Variants in MRTFB observed in about 807,000 individuals in gnomAD.
MRTFB encodes myocardin related transcription factor B, also known as myocardin-related transcription factor B.
Under a neutral mutation model 104.2 loss-of-function variants are expected in MRTFB, and 29 were observed. The ratio of observed to expected loss-of-function variants is 0.28; its 90% CI spans 0.21 to 0.38. The LOEUF (loss-of-function observed/expected upper bound fraction) is 0.38. MRTFB is among the 10% of genes least tolerant of loss of function. The pLI, the probability that MRTFB is intolerant of heterozygous loss-of-function variation, is 1.00. For synonymous variants in MRTFB, 535 were observed against 519.5 expected, an observed-to-expected ratio of 1.03 and a Z score of -0.41; for missense variants, 1,270 against 1,341.6, an observed-to-expected ratio of 0.95 and a Z score of 0.83.
the MRTFB span, among the ~76,000 whole-genome samples, chr16:13,995,135 G>A: frequency 6.8e-4 from 104 of 152,250 alleles, no homozygotes; most frequent in African/African-American, 2.4e-3. Context: ...TTCGTTGGTT[G>A]ATCTTCGGAT....
intron 2 of MRTFB, among the ~76,000 whole-genome samples, chr16:14,112,478 A>C (rs1025822952): frequency 6.6e-6 from 1 of 152,250 alleles, no homozygotes; most frequent in Non-Finnish European, 1.5e-5. Flanking sequence ...CTCCAAGCCT[A>C]GTAAAGCAGG....
At chr16:14,255,109 A>C (rs1265000956) in intron 15 of MRTFB, among the ~76,000 whole-genome samples, 1 of 152,252 alleles carries the variant, frequency 6.6e-6, no homozygotes, top group Admixed American at 6.5e-5. Flanking sequence ...TAACTTATCC[A>C]ATCTGAATAA....
chr16:14,112,563 G>C (rs2036327888), intron 2 of MRTFB, among the ~76,000 whole-genome samples: 1 of 152,244 alleles, frequency 6.6e-6, no homozygotes, highest in Non-Finnish European at 1.5e-5. Flanking sequence ...GTGAGAGCCA[G>C]GTTTCCCTGC....
chr16:14,219,049 T>C, intron 8 of MRTFB, 51 bp downstream of exon 8: 2 of 1,503,426 alleles, frequency 1.3e-6, no homozygotes, highest in South Asian at 1.3e-5. Context: ...CCTTGTTTTT[T>C]TTTAATATAT....
chr16:14,000,384 G>A, the MRTFB span, among the ~76,000 whole-genome samples: 5 of 152,118 alleles, frequency 3.3e-5, no homozygotes, highest in East Asian at 3.9e-4. Flanking sequence ...CCTCCATCCC[G>A]TAGCCCCTCT....
At chr16:14,159,847 G>C (rs866542089) in intron 3 of MRTFB, among the ~76,000 whole-genome samples, 58 of 145,796 alleles carry the variant, frequency 4.0e-4, no homozygotes, top group Admixed American at 1.1e-3. Context: ...GGAGAATGGC[G>C]TGAACCCGGG....
intron 2 of MRTFB, among the ~76,000 whole-genome samples, chr16:14,096,493 A>G (rs1320454447): frequency 1.3e-5 from 2 of 152,232 alleles, no homozygotes; most frequent in Admixed American, 1.3e-4. Context: ...AGTTCATTGG[A>G]TTCTTTTAGA....
chr16:14,133,259 C>T (rs1215701431), intron 2 of MRTFB, among the ~76,000 whole-genome samples: 3 of 152,124 alleles, frequency 2.0e-5, no homozygotes, highest in Non-Finnish European at 4.4e-5. Context: ...TTTATGCACT[C>T]GATAATTCAA....
chr16:14,245,604 A>G lies in MRTFB; in HGVS notation c.1156A>G (p.Thr386Ala), dbSNP rs1267525068. 2.5e-6 allele frequency: 4 copies of G among 1,614,132 alleles called. No homozygotes were observed. In the Admixed American group the frequency reaches 5.0e-5, roughly 20 times the overall value. ...CACACCTAACACACCAAGACAGAAT[A>G]CATCTACTCCTGTGAGAAAGCCAGG... is the stretch of plus-strand genomic sequence containing the variant. ...NATPNTPRQNTSTPVRKPGPL... is the reference protein window; with the variant it reads ...NATPNTPRQNASTPVRKPGPL... The change falls in exon 11 of 17, where the codon ACA becomes GCA. Residue 386 changes from threonine to alanine, a missense_variant. This residue lies in a region of MRTFB where 1,144 missense variants were observed against 1,131.5 expected (regional missense o/e 1.01). Transcript: ENST00000571589.
At chr16:14,069,239 G>A (rs915812767), upstream of MRTFB, among the ~76,000 whole-genome samples, 1 of 152,130 alleles carries the variant, frequency 6.6e-6, no homozygotes, top group Non-Finnish European at 1.5e-5. Flanking sequence ...CCAAAGTGCT[G>A]GGATTACAGG....
At chr16:14,107,094 G>A (rs918375265) in intron 2 of MRTFB, among the ~76,000 whole-genome samples, 18 of 152,140 alleles carry the variant, frequency 1.2e-4, no homozygotes, top group Admixed American at 1.2e-3. Context: ...AGCTTAGCTG[G>A]GTATGGTGGC....
intron 2 of MRTFB, among the ~76,000 whole-genome samples, chr16:14,136,021 A>G (rs2037699972): frequency 6.6e-6 from 1 of 152,256 alleles, no homozygotes; most frequent in Non-Finnish European, 1.5e-5. Context: ...CTGTAATTCC[A>G]GCACTTTGGG....
chr16:14,256,529 A>C (rs2043501613), intron 15 of MRTFB, among the ~76,000 whole-genome samples: 1 of 152,208 alleles, frequency 6.6e-6, no homozygotes, highest in Non-Finnish European at 1.5e-5. Flanking sequence ...CTCACTCTGG[A>C]AAAGCCAGCT....
At chr16:14,203,362 T>A (rs1271024313) in intron 3 of MRTFB, among the ~76,000 whole-genome samples, 2 of 152,094 alleles carry the variant, frequency 1.3e-5, no homozygotes, top group Non-Finnish European at 2.9e-5. Context: ...CCAGAAAGTG[T>A]CATTTTTGCA....
chr16:14,158,559 GA>G (rs936482109), intron 3 of MRTFB, among the ~76,000 whole-genome samples: 17 of 152,174 alleles, frequency 1.1e-4, no homozygotes, highest in African/African-American at 1.9e-4. Context: ...TATTACAATA[GA>G]AAAAATATAA....
intron 3 of MRTFB, among the ~76,000 whole-genome samples, chr16:14,166,975 G>A (rs1272409925): frequency 6.6e-6 from 1 of 152,128 alleles, no homozygotes; most frequent in African/African-American, 2.4e-5. Context: ...TAACATACAT[G>A]TGCACATACC....
rs567111732 is a variant in MRTFB at position 14,265,980 on chromosome 16, C to A, written c.*4536C>A. On this transcript the variant is annotated 3_prime_UTR_variant, in exon 17 of 17. Transcript: ENST00000571589. ...CTCTCTACGTGATGCTGTAAGGAAT[C>A]TTGCTAATTTGGTAGGAAGAGGAAG... is the stretch of plus-strand genomic sequence containing the variant. The A allele has an allele frequency of 3.3e-5, 5 of 152,320 alleles. No individual in the cohort carries two copies. The South Asian group carries it at 1.0e-3, about 32-fold the overall frequency. 9.4% of individuals were successfully genotyped at this position (152,320 alleles called of 1,614,324 possible). A position where few individuals can be genotyped will look rare whatever the true frequency, so the allele number is the denominator to read the frequency against.
the MRTFB span, among the ~76,000 whole-genome samples, chr16:14,041,416 T>C: frequency 1.3e-5 from 2 of 152,194 alleles, no homozygotes; most frequent in Admixed American, 6.5e-5. Context: ...AGATACCTCA[T>C]ATAAGTGGAA....
chr16:14,244,113 C>T (rs1383431531), intron 10 of MRTFB, among the ~76,000 whole-genome samples: 4 of 152,204 alleles, frequency 2.6e-5, no homozygotes, highest in Non-Finnish European at 5.9e-5. Context: ...CTCCTGACCT[C>T]ATGATCTGCC....
Sources: gnomAD v4.1 joint callset for allele counts (sites outside exome capture counted in the v4.1 genomes callset) on GRCh38, gnomAD v4.1.1 for gene constraint, gnomAD v4.1.1 regional missense constraint, MANE v1.5 for transcripts, NCBI Gene and HGNC (gene_info 2026-07-23, HGNC 2026-07-21) for gene names.